Variants in AK9 observed in about 807,000 individuals in gnomAD.
AK9 encodes the protein adenylate kinase 9.
Under a neutral mutation model 239.6 loss-of-function variants are expected in AK9, and 191 were observed. The observed-to-expected ratio is 0.80, with a 90% CI of 0.71 to 0.90. The LOEUF (loss-of-function observed/expected upper bound fraction) is 0.90, where lower values mean the gene tolerates loss of function less well. Ranked by LOEUF, AK9 falls within the 40% of genes least tolerant of loss-of-function variation. AK9 has a pLI of 0.00. For missense variants in AK9, 1,995 were observed against 2,214.7 expected, an observed-to-expected ratio of 0.90 and a Z score of 1.99; for synonymous variants, 689 against 721.0, an observed-to-expected ratio of 0.96 and a Z score of 0.71.
At chr6:109,611,886 G>T (rs74473534) in intron 16 of AK9, 124 bp downstream of exon 16, 21 of 674,692 alleles carry the variant, frequency 3.1e-5, no homozygotes, top group Non-Finnish European at 3.0e-5. Context: ...GAGTACTTGG[G>T]TATTAATCAT....
Position 109,614,480 on chromosome 6 carries a change from G to A in AK9, c.1400C>T (p.Ala467Val). 1.3e-6 allele frequency: 2 copies of A among 1,550,646 alleles called. No homozygotes were observed. Among genetic ancestry groups the A allele is most frequent in the Non-Finnish European group, 1.7e-6 (2 of 1,146,468 alleles). ...LLRELQARKQ[A>V]ETALREFQRQ... ...TTGAAATTCTCTTAAAGCTGTTTCA[G>A]CTGAAATATAACAATGGGTGGTGTT... is the stretch of plus-strand genomic sequence containing the variant. Residue 467 changes from alanine (A) to valine (V), a missense_variant and splice_region_variant, in exon 14 of 41, where the codon GCT (alanine) becomes GTT (valine). Physicochemically the swap from Ala to Val is moderately conservative, Grantham distance 64. This residue lies in a region of AK9 where 1,290 missense variants were observed against 1,392.7 expected (regional missense o/e 0.93). Transcript: ENST00000424296.
intron 32 of AK9, among the ~76,000 whole-genome samples, chr6:109,510,111 A>G (rs1000965773): frequency 1.3e-5 from 2 of 152,000 alleles, no homozygotes; most frequent in East Asian, 3.9e-4. Flanking sequence ...GGAGGGCCTG[A>G]AGGCTGGGGG....
chr6:109,496,192 G>A (rs1477057188), intron 38 of AK9, among the ~76,000 whole-genome samples: 2 of 152,198 alleles, frequency 1.3e-5, no homozygotes, highest in Non-Finnish European at 2.9e-5. Context: ...GTTTAGGAAT[G>A]TGAACAATTT....
chr6:109,508,316 G>C (rs185759148), intron 33 of AK9, among the ~76,000 whole-genome samples: 44 of 152,284 alleles, frequency 2.9e-4, no homozygotes, highest in African/African-American at 8.7e-4. Context: ...AATTCAGGGT[G>C]AATGAGCAGT....
chr6:109,515,420 C>T (rs969238587), intron 31 of AK9, among the ~76,000 whole-genome samples: 5 of 152,130 alleles, frequency 3.3e-5, no homozygotes, highest in African/African-American at 7.2e-5. Context: ...ATCAATGCTA[C>T]GTTTGAATAT....
chr6:109,516,656 T>C lies in AK9; in HGVS notation c.3634-14A>G, dbSNP rs10872035. 963,360 of 1,537,290 alleles carry C rather than the reference T, an allele frequency of 0.63. 304,041 individuals carry two copies. Among genetic ancestry groups the C allele is most frequent in the South Asian group, 0.75 (62,657 of 83,800 alleles). On this transcript the variant is annotated splice_polypyrimidine_tract_variant and intron_variant, in intron 29 of 40. Transcript: ENST00000424296. ...TCTAACAACATTCTAAGGAAGAAAATATTCCCTTTTACTATACATATAAAA... is the reference window on the plus strand; with the variant it reads ...TCTAACAACATTCTAAGGAAGAAAACATTCCCTTTTACTATACATATAAAA...
intron 5 of AK9, among the ~76,000 whole-genome samples, chr6:109,670,564 C>T (rs1023177983): frequency 1.3e-5 from 2 of 151,956 alleles, no homozygotes; most frequent in African/African-American, 4.8e-5. Context: ...TTATGAACAC[C>T]ATGAGAGGCA....
At chr6:109,559,643 C>T (rs1429145045) in intron 24 of AK9, among the ~76,000 whole-genome samples, 1 of 152,158 alleles carries the variant, frequency 6.6e-6, no homozygotes, top group Non-Finnish European at 1.5e-5. Flanking sequence ...ATTGCTTACA[C>T]ATAGAAATAA....
At chr6:109,538,856 A>G (rs554688116) in intron 27 of AK9, among the ~76,000 whole-genome samples, 2 of 152,072 alleles carry the variant, frequency 1.3e-5, no homozygotes, top group African/African-American at 4.8e-5. Flanking sequence ...TTTCTCCTTC[A>G]GTTATGAAGC....
chr6:109,622,618 CAT>C (rs1169014713), intron 12 of AK9, among the ~76,000 whole-genome samples: 2 of 145,696 alleles, frequency 1.4e-5, no homozygotes, highest in African/African-American at 2.5e-5. Context: ...GTATTATAGA[CAT>C]AAAATATATG....
At chr6:109,601,572 A>G (rs1204523067) in intron 17 of AK9, among the ~76,000 whole-genome samples, 2 of 152,054 alleles carry the variant, frequency 1.3e-5, no homozygotes, top group Non-Finnish European at 2.9e-5. Context: ...TGGGGTGGAG[A>G]GTTCTGTAGA....
rs190143965 is a variant in AK9, at chr6:109,660,135, G to A, written c.445-722C>T. ...TGGCAGACTAAGAAACCAATCTCAG[G>A]TCACAATGTCACATGGAGGAACTGC... On this transcript the variant is annotated intron_variant, in intron 6 of 40. Coordinates refer to ENST00000424296, the MANE Select transcript of AK9 (RefSeq NM_001145128.3). Among the ~76,000 whole-genome samples, 13 of 152,214 alleles carry A rather than the reference G, an allele frequency of 8.5e-5. No homozygotes were observed. In the East Asian group the frequency reaches 2.5e-3, roughly 29 times the overall value.
At chr6:109,531,074 C>T (rs970387291) in intron 28 of AK9, among the ~76,000 whole-genome samples, 32 of 151,934 alleles carry the variant, frequency 2.1e-4, no homozygotes, top group African/African-American at 7.7e-4. Flanking sequence ...AAGAAACTAC[C>T]AGATACGGGA....
At chr6:109,598,895 T>A (rs1317032589) in intron 17 of AK9, among the ~76,000 whole-genome samples, 1 of 152,116 alleles carries the variant, frequency 6.6e-6, no homozygotes, top group African/African-American at 2.4e-5. Flanking sequence ...TCTGTTCATA[T>A]CCTTTGCCCA....
intron 24 of AK9, among the ~76,000 whole-genome samples, chr6:109,562,844 C>T (rs1170087146): frequency 6.6e-6 from 1 of 152,010 alleles, no homozygotes; most frequent in Non-Finnish European, 1.5e-5. Context: ...TACCAGAGAC[C>T]ATTTTATGGT....
chr6:109,622,537 T>C (rs938506817), intron 12 of AK9, among the ~76,000 whole-genome samples: 1 of 145,294 alleles, frequency 6.9e-6, no homozygotes. Context: ...AATAATATAT[T>C]AATATTAAAT....
intron 5 of AK9, among the ~76,000 whole-genome samples, chr6:109,667,472 A>G (rs186585070): frequency 2.1e-4 from 32 of 152,212 alleles, no homozygotes; most frequent in Admixed American, 2.0e-3. Context: ...TTACGTATGT[A>G]TATGTGTGCC....
At chr6:109,675,225 A>G (rs745711688) in intron 2 of AK9, among the ~76,000 whole-genome samples, 1 of 152,208 alleles carries the variant, frequency 6.6e-6, no homozygotes, top group African/African-American at 2.4e-5. Context: ...ATTACACACT[A>G]CTAACAGTTG....
chr6:109,664,145 T>C (rs1583487298), intron 5 of AK9, among the ~76,000 whole-genome samples: 1 of 152,212 alleles, frequency 6.6e-6, no homozygotes, highest in Non-Finnish European at 1.5e-5. Flanking sequence ...TCTAAACAGA[T>C]ATTTTTTAAA....
Sources: gnomAD v4.1 joint callset for allele counts (sites outside exome capture counted in the v4.1 genomes callset) on GRCh38, gnomAD v4.1.1 for gene constraint, gnomAD v4.1.1 regional missense constraint, MANE v1.5 for transcripts, NCBI Gene and HGNC (gene_info 2026-07-23, HGNC 2026-07-21) for gene names.